Variants in EXOC6B observed in about 807,000 individuals in gnomAD.
The protein encoded by EXOC6B is SEC15 homolog B.
EXOC6B carries 54 observed loss-of-function variants against 113.5 expected under a neutral mutation model. That is an observed-to-expected ratio of 0.48 (90% CI 0.38 to 0.60). The LOEUF is 0.60. Among genes scored for constraint, EXOC6B ranks in the 20% least tolerant of loss-of-function variants. The pLI is 0.00. For missense variants in EXOC6B, 797 were observed against 977.5 expected, an observed-to-expected ratio of 0.82 and a Z score of 2.46; for synonymous variants, 357 against 339.0, an observed-to-expected ratio of 1.05 and a Z score of -0.58.
chr2:72,687,032 G>A (rs1377483374), intron 6 of EXOC6B, among the ~76,000 whole-genome samples: 4 of 151,870 alleles, frequency 2.6e-5, no homozygotes, highest in African/African-American at 9.7e-5. Context: ...CAGCTACTCG[G>A]GAGGCTGAGG....
chr2:72,651,865 G>A (rs1281367429), intron 6 of EXOC6B, among the ~76,000 whole-genome samples: 2 of 152,038 alleles, frequency 1.3e-5, no homozygotes, highest in Non-Finnish European at 1.5e-5. Context: ...CGCCCACCTC[G>A]GCTGGAATAC....
chr2:72,773,141 T>G (rs796665422), intron 1 of EXOC6B, among the ~76,000 whole-genome samples: 4 of 145,374 alleles, frequency 2.8e-5, no homozygotes, highest in African/African-American at 1.0e-4. Flanking sequence ...TTTTTTTTTT[T>G]TGTGAGACAG....
intron 6 of EXOC6B, among the ~76,000 whole-genome samples, chr2:72,596,291 A>G (rs1206249201): frequency 1.3e-5 from 2 of 152,156 alleles, no homozygotes; most frequent in African/African-American, 2.4e-5. Context: ...AGACAGGTGA[A>G]TACAGAGAAA....
chr2:72,258,361 CTTTT>C (rs967346322), intron 20 of EXOC6B, among the ~76,000 whole-genome samples: 1 of 124,834 alleles, frequency 8.0e-6, no homozygotes, highest in Non-Finnish European at 1.7e-5. Flanking sequence ...TTATCTTTTT[CTTTT>C]TTTTTTTTTT....
At chr2:72,405,526 G>A (rs1019107555) in intron 18 of EXOC6B, among the ~76,000 whole-genome samples, 1 of 152,216 alleles carries the variant, frequency 6.6e-6, no homozygotes, top group Non-Finnish European at 1.5e-5. Flanking sequence ...CTACAAGCCA[G>A]AAGAGAGTGG....
chr2:72,822,059 T>C (rs1686612450), intron 1 of EXOC6B, among the ~76,000 whole-genome samples: 1 of 152,194 alleles, frequency 6.6e-6, no homozygotes, highest in Non-Finnish European at 1.5e-5. Context: ...GAATGTTAAT[T>C]GCTATTACCC....
intron 20 of EXOC6B, among the ~76,000 whole-genome samples, chr2:72,226,799 A>G (rs1681271118): frequency 6.6e-6 from 1 of 152,190 alleles, no homozygotes. Flanking sequence ...ACATCAGTGA[A>G]TTGGTTTTCA....
chr2:72,429,583 C>G (rs1047276524), intron 18 of EXOC6B, among the ~76,000 whole-genome samples: 1 of 152,190 alleles, frequency 6.6e-6, no homozygotes, highest in African/African-American at 2.4e-5. Context: ...TATTTACTAT[C>G]TGAAATTTTT....
chr2:72,453,176 C>G (rs1361268064), intron 18 of EXOC6B, among the ~76,000 whole-genome samples: 1 of 152,096 alleles, frequency 6.6e-6, no homozygotes, highest in Non-Finnish European at 1.5e-5. Context: ...ATTTAACCTA[C>G]CTATACCTAA....
At chr2:72,512,014 T>A (rs1338823428) in intron 11 of EXOC6B, among the ~76,000 whole-genome samples, 2 of 152,136 alleles carry the variant, frequency 1.3e-5, no homozygotes, top group Non-Finnish European at 1.5e-5. Flanking sequence ...CACTTTGAGA[T>A]AAGAGCCCTT....
chr2:72,204,446 T>G (rs563923509), intron 20 of EXOC6B, among the ~76,000 whole-genome samples: 4 of 152,216 alleles, frequency 2.6e-5, no homozygotes, highest in African/African-American at 9.6e-5. Flanking sequence ...TACTGGACTG[T>G]TTACAGTTGG....
chr2:72,534,176 G>A (rs528008766), intron 8 of EXOC6B, among the ~76,000 whole-genome samples: 4 of 151,908 alleles, frequency 2.6e-5, no homozygotes, highest in South Asian at 2.1e-4. Context: ...AATAGCTTAC[G>A]GCTATAACTA....
At chr2:72,292,172 AGTGTGTGTGTGT>A (rs58303616) in intron 20 of EXOC6B, among the ~76,000 whole-genome samples, 30 of 139,400 alleles carry the variant, frequency 2.2e-4, no homozygotes, top group African/African-American at 5.8e-4. Flanking sequence ...TCCAGAAGTA[AGTGTGTGTGTGT>A]GTGTGTGTGT....
chr2:72,824,040 C>T (rs1194288638), intron 1 of EXOC6B, among the ~76,000 whole-genome samples: 2 of 151,948 alleles, frequency 1.3e-5, no homozygotes, highest in African/African-American at 4.8e-5. Flanking sequence ...GGTGGAGAGA[C>T]AGGCAACTGT....
At chr2:72,773,765 T>A (rs1350758598) in intron 1 of EXOC6B, among the ~76,000 whole-genome samples, 1 of 152,220 alleles carries the variant, frequency 6.6e-6, no homozygotes, top group East Asian at 1.9e-4. Context: ...ACAGAAGACA[T>A]CTGGATTCTG....
intron 20 of EXOC6B, among the ~76,000 whole-genome samples, chr2:72,229,964 C>T (rs898726770): frequency 2.0e-5 from 3 of 152,000 alleles, no homozygotes; most frequent in Non-Finnish European, 4.4e-5. Flanking sequence ...GATCACTTCA[C>T]TGTACAATGT....
At chr2:72,788,695 G>C (rs1472553240) in intron 1 of EXOC6B, among the ~76,000 whole-genome samples, 1 of 152,158 alleles carries the variant, frequency 6.6e-6, no homozygotes, top group Non-Finnish European at 1.5e-5. Context: ...CTACTCCAGA[G>C]GCTGAGGTGG....
chr2:72,459,203 C>T (rs1451138016), intron 18 of EXOC6B, among the ~76,000 whole-genome samples: 1 of 152,088 alleles, frequency 6.6e-6, no homozygotes, highest in Non-Finnish European at 1.5e-5. Context: ...TGGGACGTAT[C>T]TCAAAATAAT....
chr2:72,553,234 C>CT (rs1322013520), intron 8 of EXOC6B, among the ~76,000 whole-genome samples: 2 of 152,000 alleles, frequency 1.3e-5, no homozygotes, highest in African/African-American at 4.8e-5. Flanking sequence ...ACAACAAAAA[C>CT]TAAGTATTTT....
Sources: gnomAD v4.1 joint callset for allele counts (sites outside exome capture counted in the v4.1 genomes callset) on GRCh38, gnomAD v4.1.1 for gene constraint, MANE v1.5 for transcripts, NCBI Gene and HGNC (gene_info 2026-07-23, HGNC 2026-07-21) for gene names.